Variants in FUBP3 observed in about 807,000 individuals in gnomAD.
FUBP3 encodes far upstream element-binding protein 3.
FUBP3 carries 28 observed loss-of-function variants against 85.6 expected under a neutral mutation model. The observed-to-expected ratio is 0.33, with a 90% CI of 0.24 to 0.45. FUBP3 has a LOEUF of 0.45. Among genes scored for constraint, FUBP3 ranks in the 20% least tolerant of loss-of-function variants. FUBP3 has a pLI of 1.00. For missense variants in FUBP3, 583 were observed against 755.1 expected (o/e 0.77, Z 2.67); for synonymous variants, 271 against 271.4 (o/e 1.00, Z 0.01).
chr9:130,598,244 A>G (rs906338579), intron 2 of FUBP3, among the ~76,000 whole-genome samples: 6 of 152,232 alleles, frequency 3.9e-5, no homozygotes, highest in Non-Finnish European at 8.8e-5. Flanking sequence ...GCAAAATGCT[A>G]GAGGGTTTCA....
Position 130,626,485 on chromosome 9 carries a change from G to A in FUBP3, c.1097G>A (p.Cys366Tyr). Reference protein sequence around the residue: ...EITYTVPADKCGLVIGKGGEN... With the variant: ...EITYTVPADKYGLVIGKGGEN... ...ACATACACGGTGCCAGCCGATAAGT[G>A]TGGCCTCGTCATAGGCAAAGGTAAG... is the stretch of plus-strand genomic sequence containing the variant. Residue 366 changes from cysteine to tyrosine, a missense_variant, in exon 12 of 19, where the codon TGT (cysteine) becomes TAT (tyrosine). This residue lies in a region of FUBP3 where 404 missense variants were observed against 516.8 expected (regional missense o/e 0.78). Transcript: ENST00000319725. 6.2e-7 allele frequency: 1 copy of A among 1,614,190 alleles called. No individual in the cohort carries two copies. The highest frequency in any genetic ancestry group is 8.5e-7 in the Non-Finnish European group (1 of 1,180,026).
At chr9:130,589,675 G>GTATATATATATATA (rs1170568300) in intron 1 of FUBP3, among the ~76,000 whole-genome samples, 50 of 34,260 alleles carry the variant, frequency 1.5e-3, no homozygotes, top group South Asian at 3.4e-3. Flanking sequence ...GTATGTGTGT[G>GTATATATATATATA]TATATATATA....
In FUBP3 at chr9:130,612,648, C is replaced by T. The variant is rs1588143132; in HGVS notation, c.274+143C>T. On this transcript the variant is annotated intron_variant, in intron 4 of 18. Transcript: ENST00000319725. The surrounding 1 kb of genome is among the most constrained non-coding windows in gnomAD (Gnocchi z 4.1). ...CTGTAGTAGAATGCTTTGCACATGC[C>T]ATTCCCCACAGCTCTGAAATGCTGC... is the stretch of plus-strand genomic sequence containing the variant. 8.6e-6 allele frequency: 6 copies of T among 694,294 alleles called. No individual in the cohort carries two copies. The East Asian group carries it at 1.6e-4, about 19-fold the overall frequency. The allele number at this position is 694,294 out of a possible 1,614,324, so 43.0% of individuals were successfully genotyped here. A position where few individuals can be genotyped will look rare whatever the true frequency, so the allele number is the denominator to read the frequency against.
At chr9:130,621,778 G>A (rs558214465) in intron 9 of FUBP3, among the ~76,000 whole-genome samples, 1 of 151,918 alleles carries the variant, frequency 6.6e-6, no homozygotes. Context: ...GGTGACGCGT[G>A]CCTGTAGTCC....
Position 130,605,618 on chromosome 9 carries a change from AG to A in FUBP3, c.191-4334del, listed in dbSNP as rs1281311535. On this transcript the variant is annotated intron_variant, in intron 2 of 18. Transcript: ENST00000319725. ...GTGGGTTCACGCAGGTGAGGTGCCCAGGAAAGCACCTAGTGTGGCTGGGGGT... is the reference window on the plus strand; with the variant it reads ...GTGGGTTCACGCAGGTGAGGTGCCCAGAAAGCACCTAGTGTGGCTGGGGGT... Among the ~76,000 whole-genome samples, 7 of 152,238 alleles carry A rather than the reference AG, an allele frequency of 4.6e-5. 1 individual carries two copies. The highest frequency in any genetic ancestry group is 1.7e-4 in the African/African-American group (7 of 41,464).
chr9:130,637,292 A>T lies in FUBP3; in HGVS notation c.*270A>T. On this transcript the variant is annotated 3_prime_UTR_variant, in exon 19 of 19. Transcript: ENST00000319725. ...CAATACCTACAAAGTCAGGCACCAG[A>T]ATGTGCCTCAGAGCTGTGACATTTC... is the stretch of plus-strand genomic sequence containing the variant. 1 of 490,510 alleles carries T rather than the reference A, an allele frequency of 2.0e-6. No individual in the cohort carries two copies. The highest frequency in any genetic ancestry group is 3.7e-6 in the Non-Finnish European group (1 of 270,050). 30.4% of individuals were successfully genotyped at this position (490,510 alleles called of 1,614,324 possible). A position where few individuals can be genotyped will look rare whatever the true frequency, so the allele number is the denominator to read the frequency against.
At chr9:130,585,305 C>T (rs900758489) in intron 1 of FUBP3, among the ~76,000 whole-genome samples, 5 of 152,176 alleles carry the variant, frequency 3.3e-5, no homozygotes, top group African/African-American at 7.2e-5. Flanking sequence ...TCTTCATTCC[C>T]GCCATCTTGC....
chr9:130,588,209 G>A (rs986971895), intron 1 of FUBP3, among the ~76,000 whole-genome samples: 2 of 152,162 alleles, frequency 1.3e-5, no homozygotes, highest in African/African-American at 4.8e-5. Flanking sequence ...GACAGTATGA[G>A]TTCAAGTTCT....
At chr9:130,580,126 A>G (rs1769925624) in intron 1 of FUBP3, among the ~76,000 whole-genome samples, 1 of 152,174 alleles carries the variant, frequency 6.6e-6, no homozygotes, top group South Asian at 2.1e-4. Context: ...ATCTGGGTGT[A>G]GACATAAAGC....
At chr9:130,605,849 C>T (rs758022676) in intron 2 of FUBP3, among the ~76,000 whole-genome samples, 9 of 152,210 alleles carry the variant, frequency 5.9e-5, no homozygotes, top group Middle Eastern at 3.4e-3. Context: ...CCAGGCATGG[C>T]GGCACACACC....
At position 130,608,283 on chromosome 9, in the gene FUBP3, T is replaced by C. The variant is rs369732369; in HGVS notation, c.191-1671T>C. 1.1e-4 allele frequency among the ~76,000 whole-genome samples: 17 copies of C among 152,260 alleles called. No homozygotes were observed. In the South Asian group the frequency reaches 3.5e-3, roughly 32 times the overall value. The stretch of plus-strand genomic sequence containing the variant: ...CTGTGTTCTCATCATTTCAAGACAT[T>C]TTAGTTCTTCTGGCTTCAGTAGATT... On this transcript the variant is annotated intron_variant, in intron 2 of 18. Transcript: ENST00000319725.
In FUBP3 at chr9:130,616,151, C is replaced by T. The variant is rs1468297067; in HGVS notation, c.405-204C>T. Among the ~76,000 whole-genome samples, 1 of 152,136 alleles carries T rather than the reference C, an allele frequency of 6.6e-6. No homozygotes were observed. Among genetic ancestry groups the T allele is most frequent in the East Asian group, 1.9e-4 (1 of 5,184 alleles). ...AAGGCTCTGTGTCACAGCGTTGGTA[C>T]TGTGGTGTGTGTTGCTTTTAAATTC... On this transcript the variant is annotated intron_variant, in intron 6 of 18. Transcript: ENST00000319725. The surrounding 1 kb of genome is among the most constrained non-coding windows in gnomAD (Gnocchi z 4.7).
Position 130,622,758 on chromosome 9 carries a change from A to T in FUBP3, c.822A>T (p.Glu274Asp). Residue 274 changes from glutamate (E) to aspartate (D), a missense_variant, in exon 10 of 19, where the codon GAA (glutamate) becomes GAT (aspartate). Physicochemically the swap from Glu to Asp is conservative, Grantham distance 45. This residue lies in a region of FUBP3 where 404 missense variants were observed against 516.8 expected (regional missense o/e 0.78). Transcript: ENST00000319725. ...GGATTGTAATAGGAAGAAACGGGGA[A>T]ATGATCAAAAAGATCCAGAATGATG... Reference protein sequence around the residue: ...AVGIVIGRNGEMIKKIQNDAG... With the variant: ...AVGIVIGRNGDMIKKIQNDAG... The T allele has an allele frequency of 6.2e-7, 1 of 1,603,576 alleles. No homozygotes were observed. The highest frequency in any genetic ancestry group is 8.5e-7 in the Non-Finnish European group (1 of 1,172,340).
At chr9:130,593,852 T>C (rs1379150230) in intron 1 of FUBP3, among the ~76,000 whole-genome samples, 1 of 152,228 alleles carries the variant, frequency 6.6e-6, no homozygotes, top group Non-Finnish European at 1.5e-5. Context: ...ATTATGAAGA[T>C]CACATATAAT....
Position 130,622,791 on chromosome 9 carries a change from GA to G in FUBP3, c.856del (p.Arg286GlyfsTer35). The G allele has an allele frequency of 6.4e-7, 1 of 1,567,328 alleles. No individual in the cohort carries two copies. Among genetic ancestry groups the G allele is most frequent in the Non-Finnish European group, 8.8e-7 (1 of 1,142,136 alleles). ...IKKIQNDAGV[R>X]IQFKPDDGIS... is the part of the protein sequence containing the mutation. ...AAAAGATCCAGAATGATGCTGGTGTGAGGATTCAGTTTAAACCAGGTGGGTA... is the reference window on the plus strand; with the variant it reads ...AAAAGATCCAGAATGATGCTGGTGTGGGATTCAGTTTAAACCAGGTGGGTA... On this transcript the variant is annotated frameshift_variant, in exon 10 of 19. Transcript: ENST00000319725. LOFTEE classifies it high-confidence loss of function.
In FUBP3 at chr9:130,589,675, G is replaced by GTGTGTGTATGTGTATGTATA. The variant is rs869282275; in HGVS notation, c.85-5807_85-5806insGTGTGTATGTGTATGTATAT. The stretch of plus-strand genomic sequence containing the variant: ...ATTTTAAATATGTATGTATGTGTGT[G>GTGTGTGTATGTGTATGTATA]TATATATATATATATATATATATAT... On this transcript the variant is annotated intron_variant, in intron 1 of 18. Coordinates refer to ENST00000319725, the MANE Select transcript of FUBP3 (RefSeq NM_003934.2). Among the ~76,000 whole-genome samples the GTGTGTGTATGTGTATGTATA allele has an allele frequency of 1.3e-3, 46 of 34,288 alleles. 1 individual carries two copies. The highest frequency in any genetic ancestry group is 2.0e-3 in the Non-Finnish European group (41 of 20,590). 22.5% of individuals were successfully genotyped at this position (34,288 alleles called of 152,430 possible). A position where few individuals can be genotyped will look rare whatever the true frequency, so the allele number is the denominator to read the frequency against.
chr9:130,626,569 G>C, intron 12 of FUBP3, 64 bp downstream of exon 12: 1 of 1,547,370 alleles, frequency 6.5e-7, no homozygotes, highest in Non-Finnish European at 8.9e-7. Context: ...GGCAGGTCAC[G>C]GGACCTCCAG....
rs924165816 is a variant in FUBP3 at position 130,620,239 on chromosome 9, A to G, written c.667-115A>G. ...CCATAAGCCATAAGTGAATTGTCCT[A>G]CAGCTGAGCGCCTTTAAACCCAAGT... is the stretch of plus-strand genomic sequence containing the variant. On this transcript the variant is annotated intron_variant, in intron 8 of 18. Coordinates refer to ENST00000319725, the MANE Select transcript of FUBP3 (RefSeq NM_003934.2). The G allele has an allele frequency of 1.0e-5, 6 of 600,118 alleles. No homozygotes were observed. The Admixed American group carries it at 1.2e-4, about 12-fold the overall frequency. The allele number at this position is 600,118 out of a possible 1,614,324, so 37.2% of individuals were successfully genotyped here. A position where few individuals can be genotyped will look rare whatever the true frequency, so the allele number is the denominator to read the frequency against.
At position 130,601,875 on chromosome 9, in the gene FUBP3, C is replaced by A. The variant is rs142674493; in HGVS notation, c.190+6287C>A. ...GGAGTGTAGTGGTGCGATCTTGGCT[C>A]ACTGCAACCTCTGCCTCCCAGGTTC... On this transcript the variant is annotated intron_variant, in intron 2 of 18. Transcript: ENST00000319725. Among the ~76,000 whole-genome samples, 108 of 135,780 alleles carry A rather than the reference C, an allele frequency of 8.0e-4. 2 individuals are homozygous for A. In the East Asian group the frequency reaches 0.013, roughly 17 times the overall value. 89.1% of individuals were successfully genotyped at this position (135,780 alleles called of 152,430 possible).
Sources: gnomAD v4.1 joint callset for allele counts (sites outside exome capture counted in the v4.1 genomes callset) on GRCh38, gnomAD v4.1.1 for gene constraint, gnomAD v4.1.1 regional missense constraint, Gnocchi (gnomAD v3.1) non-coding constraint, MANE v1.5 for transcripts, NCBI Gene and HGNC (gene_info 2026-07-23, HGNC 2026-07-21) for gene names.